Variants in CSMD1 observed in about 807,000 individuals in gnomAD.
CSMD1 encodes the protein CUB and sushi domain-containing protein 1.
A neutral mutation model predicts 417.5 loss-of-function variants in CSMD1; 213 were observed. The observed-to-expected ratio is 0.51, with a 90% CI of 0.46 to 0.57. The LOEUF (loss-of-function observed/expected upper bound fraction) is 0.57, where lower values mean the gene tolerates loss of function less well. Ranked by LOEUF, CSMD1 falls within the 20% of genes least tolerant of loss-of-function variation. The probability of loss-of-function intolerance (pLI) is 0.00; values close to 1 mark genes in which losing one functional copy is unlikely to be tolerated. For synonymous variants in CSMD1, 2,862 were observed against 1,736.8 expected (o/e 1.65, Z -16.11); for missense variants, 6,923 against 4,529.7 (o/e 1.53, Z -15.17).
intron 3 of CSMD1, among the ~76,000 whole-genome samples, chr8:4,035,841 G>T (rs376790361): frequency 6.6e-6 from 1 of 152,122 alleles, no homozygotes. Context: ...AGTGTACAGT[G>T]TTTATGAAGT....
At chr8:4,112,645 C>A (rs952290541) in intron 3 of CSMD1, among the ~76,000 whole-genome samples, 1 of 152,192 alleles carries the variant, frequency 6.6e-6, no homozygotes, top group Non-Finnish European at 1.5e-5. Flanking sequence ...CAAAGGGGAT[C>A]CTGCCCCAAA....
At chr8:4,249,230 C>G (rs1192674282) in intron 3 of CSMD1, among the ~76,000 whole-genome samples, 1 of 152,122 alleles carries the variant, frequency 6.6e-6, no homozygotes, top group Non-Finnish European at 1.5e-5. Flanking sequence ...TGGTAACATA[C>G]ATAGAAAAGG....
chr8:3,277,113 A>C (rs1021363079), intron 26 of CSMD1, among the ~76,000 whole-genome samples: 1 of 152,076 alleles, frequency 6.6e-6, no homozygotes, highest in African/African-American at 2.4e-5. Context: ...AAGCTGAGAG[A>C]GGCTAGCATC....
intron 36 of CSMD1, among the ~76,000 whole-genome samples, chr8:3,182,349 A>G (rs1219900535): frequency 6.6e-6 from 1 of 152,064 alleles, no homozygotes. Context: ...CAAGTAGCTG[A>G]GATTACAGGC....
Position 3,450,255 on chromosome 8 carries a change from T to G in CSMD1, c.1561+18457A>C, listed in dbSNP as rs913037605. On this transcript the variant is annotated intron_variant, in intron 12 of 69. Coordinates refer to ENST00000635120, the MANE Select transcript of CSMD1 (RefSeq NM_033225.6). ...TTCATGGTCTTTCTCTGTCATGACC[T>G]AATCAGGAGTTTCAGATCTTCCTAC... 3.9e-5 allele frequency among the ~76,000 whole-genome samples: 6 copies of G among 152,276 alleles called. No homozygotes were observed. The East Asian group carries it at 9.7e-4, about 24-fold the overall frequency.
intron 2 of CSMD1, among the ~76,000 whole-genome samples, chr8:4,444,313 C>CTCAA (rs1563180184): frequency 8.0e-6 from 1 of 125,118 alleles, no homozygotes; most frequent in African/African-American, 3.0e-5. Context: ...CGCGACTTCA[C>CTCAA]TCAAGCCTGG....
intron 3 of CSMD1, among the ~76,000 whole-genome samples, chr8:4,371,971 G>T (rs995793657): frequency 6.6e-6 from 1 of 152,188 alleles, no homozygotes; most frequent in Non-Finnish European, 1.5e-5. Flanking sequence ...ACTCATTGCC[G>T]TGATGGAAAT....
intron 3 of CSMD1, among the ~76,000 whole-genome samples, chr8:4,386,920 G>A (rs1212638987): frequency 1.3e-5 from 2 of 152,170 alleles, no homozygotes; most frequent in Non-Finnish European, 2.9e-5. Flanking sequence ...AAACTTCGAG[G>A]CAGATAATAC....
At chr8:3,768,163 C>G (rs111558993) in intron 5 of CSMD1, among the ~76,000 whole-genome samples, 1,849 of 152,254 alleles carry the variant, frequency 0.012, 16 homozygotes, top group South Asian at 0.025. Flanking sequence ...GGTAGGAGAA[C>G]TAAAGCCCAG....
At chr8:3,652,995 A>G (rs1439338802) in intron 7 of CSMD1, among the ~76,000 whole-genome samples, 1 of 152,204 alleles carries the variant, frequency 6.6e-6, no homozygotes, top group Non-Finnish European at 1.5e-5. Context: ...TGTCTGCACT[A>G]TTAATGCCAC....
intron 41 of CSMD1, among the ~76,000 whole-genome samples, chr8:3,129,408 G>T (rs926625604): frequency 6.6e-6 from 1 of 152,230 alleles, no homozygotes; most frequent in East Asian, 1.9e-4. Flanking sequence ...TGAAATAATT[G>T]GTAGCTTTTG....
chr8:3,197,665 CAT>C (rs1260228807), intron 33 of CSMD1, among the ~76,000 whole-genome samples: 10 of 151,778 alleles, frequency 6.6e-5, no homozygotes, highest in Non-Finnish European at 1.3e-4. Context: ...GGGGTTTCAC[CAT>C]GTTAGCCAGG....
intron 37 of CSMD1, among the ~76,000 whole-genome samples, chr8:3,174,860 G>A (rs1237887929): frequency 6.6e-6 from 1 of 151,940 alleles, no homozygotes; most frequent in Non-Finnish European, 1.5e-5. Context: ...TTAAAGAGAA[G>A]GCAGTTTATC....
intron 3 of CSMD1, among the ~76,000 whole-genome samples, chr8:4,286,381 G>C (rs866669711): frequency 6.6e-6 from 1 of 152,090 alleles, no homozygotes; most frequent in African/African-American, 2.4e-5. Flanking sequence ...CAAAACTACA[G>C]TCCTTCACCA....
chr8:3,891,959 C>G (rs895678124), intron 5 of CSMD1, among the ~76,000 whole-genome samples: 1 of 152,002 alleles, frequency 6.6e-6, no homozygotes, highest in Non-Finnish European at 1.5e-5. Context: ...TTCCAGCGTC[C>G]AAAAGCACAG....
chr8:3,625,807 A>G (rs532434931), intron 7 of CSMD1, among the ~76,000 whole-genome samples: 1 of 152,264 alleles, frequency 6.6e-6, no homozygotes, highest in Admixed American at 6.5e-5. Context: ...TATTTTTAAC[A>G]TCGCCTGCCC....
rs938839849 is a variant in CSMD1 at position 4,177,456 on chromosome 8, T to C, written c.416-145357A>G. 1.6e-3 allele frequency among the ~76,000 whole-genome samples: 236 copies of C among 151,964 alleles called. 1 individual carries two copies. The highest frequency in any genetic ancestry group is 5.0e-3 in the African/African-American group (208 of 41,420). ...GTGTGTAGAGGGAAACTTATAGCAC[T>C]AAATGTCCACAAGAGAAAGTAGGAA... On this transcript the variant is annotated intron_variant, in intron 3 of 69. Transcript: ENST00000635120.
chr8:4,501,222 A>T (rs988337333), intron 2 of CSMD1, among the ~76,000 whole-genome samples: 1 of 152,060 alleles, frequency 6.6e-6, no homozygotes. Flanking sequence ...CCTCTATAAC[A>T]TTGCTGGGCC....
intron 3 of CSMD1, among the ~76,000 whole-genome samples, chr8:4,151,950 G>A (rs992284551): frequency 6.6e-6 from 1 of 152,140 alleles, no homozygotes; most frequent in Non-Finnish European, 1.5e-5. Context: ...TAAAATCAAT[G>A]GGAGGTGTAA....
Sources: allele counts gnomAD v4.1 joint callset (sites outside exome capture counted in the v4.1 genomes callset), GRCh38; gene constraint gnomAD v4.1.1; transcripts MANE v1.5; gene names NCBI Gene and HGNC (gene_info 2026-07-23, HGNC 2026-07-21).